SORT1: variants seen among roughly 807,000 people sequenced by gnomAD.
SORT1 encodes the protein sortilin 1, also known as sortilin.
SORT1 carries 39 observed loss-of-function variants against 101.7 expected under a neutral mutation model. The ratio of observed to expected loss-of-function variants is 0.38; its 90% CI spans 0.30 to 0.50. The LOEUF (loss-of-function observed/expected upper bound fraction) is 0.50, where lower values mean the gene tolerates loss of function less well. SORT1 is among the 20% of genes least tolerant of loss of function. The pLI, the probability that SORT1 is intolerant of heterozygous loss-of-function variation, is 0.90. For missense variants in SORT1, 878 were observed against 1,040.4 expected (o/e 0.84, Z 2.15); for synonymous variants, 396 against 393.7 (o/e 1.01, Z -0.07).
intron 3 of SORT1, chr1:109,366,642 C>CA (rs1007492493): frequency 1.3e-5 from 2 of 152,322 alleles, no homozygotes; most frequent in African/African-American, 4.8e-5. Flanking sequence ...CATGGTGGCT[C>CA]ACACCTGTAA....
intron 3 of SORT1, among the ~76,000 whole-genome samples, chr1:109,365,560 G>A (rs907066161): frequency 3.3e-5 from 5 of 152,046 alleles, no homozygotes; most frequent in Non-Finnish European, 5.9e-5. Context: ...CTACTATAGC[G>A]CTTTCTAGCA....
In SORT1 at chr1:109,363,601, C is replaced by T. The variant is rs1374392404; in HGVS notation, c.440+3807G>A. On this transcript the variant is annotated intron_variant, in intron 3 of 19. Transcript: ENST00000256637. The stretch of plus-strand genomic sequence containing the variant: ...TACTCCCTCTAATTCTGTATATCAA[C>T]AGAGACAACTTCCTTCTATTCTTGT... 3.9e-5 allele frequency among the ~76,000 whole-genome samples: 6 copies of T among 152,174 alleles called. No homozygotes were observed. In the East Asian group the frequency reaches 1.2e-3, roughly 29 times the overall value.
intron 2 of SORT1, 124 bp downstream of exon 2, chr1:109,369,404 ATG>A: frequency 1.5e-6 from 1 of 676,772 alleles, no homozygotes; most frequent in African/African-American, 1.8e-5. Flanking sequence ...TCTTGCAAAC[ATG>A]TGTTTTCTGT....
Position 109,313,837 on chromosome 1 carries a change from TCAGAGC to T in SORT1, c.*200_*205del, listed in dbSNP as rs1254497180. ...AGAATTTAAAATGTCTCCCTTTTTCTCAGAGCCAATTGTAAAAAAGTGCTCAGGGTT... is the reference window on the plus strand; with the variant it reads ...AGAATTTAAAATGTCTCCCTTTTTCTCAATTGTAAAAAAGTGCTCAGGGTT... On this transcript the variant is annotated 3_prime_UTR_variant, in exon 20 of 20. Coordinates refer to ENST00000256637, the MANE Select transcript of SORT1 (RefSeq NM_002959.7). 16 of 558,374 alleles carry T rather than the reference TCAGAGC, an allele frequency of 2.9e-5. No homozygotes were observed. In the African/African-American group the frequency reaches 3.0e-4, roughly 11 times the overall value. 34.6% of individuals were successfully genotyped at this position (558,374 alleles called of 1,614,324 possible). A position where few individuals can be genotyped will look rare whatever the true frequency, so the allele number is the denominator to read the frequency against.
chr1:109,326,136 T>C (rs1648001542), intron 13 of SORT1, among the ~76,000 whole-genome samples: 1 of 149,782 alleles, frequency 6.7e-6, no homozygotes, highest in Non-Finnish European at 1.5e-5. Context: ...CACTGTGGCC[T>C]TGACCTCCTC....
At chr1:109,357,750 A>G (rs1650428793) in intron 3 of SORT1, among the ~76,000 whole-genome samples, 1 of 152,012 alleles carries the variant, frequency 6.6e-6, no homozygotes, top group African/African-American at 2.4e-5. Flanking sequence ...TGTCTGAATG[A>G]CTCTATCCTT....
chr1:109,359,610 C>T (rs1326365167), intron 3 of SORT1, among the ~76,000 whole-genome samples: 1 of 152,108 alleles, frequency 6.6e-6, no homozygotes, highest in Non-Finnish European at 1.5e-5. Flanking sequence ...AGCGGTTCTC[C>T]TGCCTCAGCC....
Position 109,369,527 on chromosome 1 carries a change from T to C in SORT1, c.366+3A>G. 1 of 1,586,406 alleles carries C rather than the reference T, an allele frequency of 6.3e-7. No individual in the cohort carries two copies. Among genetic ancestry groups the C allele is most frequent in the Non-Finnish European group, 8.7e-7 (1 of 1,154,772 alleles). On this transcript the variant is annotated splice_donor_region_variant and intron_variant, in intron 2 of 19. Coordinates refer to ENST00000256637, the MANE Select transcript of SORT1 (RefSeq NM_002959.7). Reference sequence around the variant, plus strand: ...GAAATAACAGACTCAAAATATGACTTACCCCAGTGCTATCTCCAACCCAGG... The same window carrying C: ...GAAATAACAGACTCAAAATATGACTCACCCCAGTGCTATCTCCAACCCAGG...
chr1:109,392,639 A>G, intron 1 of SORT1: 1 of 985,166 alleles, frequency 1.0e-6, no homozygotes, highest in Non-Finnish European at 1.2e-6. Flanking sequence ...ATACCTGGCT[A>G]GCTTTCTACT....
At chr1:109,347,636 C>G (rs11802245) in intron 6 of SORT1, 104 bp from the exon 7 acceptor site, 5 of 755,894 alleles carry the variant, frequency 6.6e-6, no homozygotes, top group East Asian at 5.4e-5. Context: ...GCTTCATTCA[C>G]AGGCACTGAC....
At position 109,311,304 on chromosome 1, in the gene SORT1, TCTG is replaced by T. The variant is rs1263694850; in HGVS notation, c.*2736_*2738del. ...GCTGAAGCCTCCAGAAATGATCTCT[TCTG>T]CTACATCAAGCCTGGGAGTTTACAC... On this transcript the variant is annotated 3_prime_UTR_variant, in exon 20 of 20. Coordinates refer to ENST00000256637, the MANE Select transcript of SORT1 (RefSeq NM_002959.7). 2 of 152,278 alleles carry T rather than the reference TCTG, an allele frequency of 1.3e-5. No individual in the cohort carries two copies. Among genetic ancestry groups the T allele is most frequent in the Non-Finnish European group, 2.9e-5 (2 of 68,048 alleles). The allele number at this position is 152,278 out of a possible 1,614,324, so 9.4% of individuals were successfully genotyped here.
chr1:109,383,103 G>A (rs2101649337), intron 1 of SORT1, among the ~76,000 whole-genome samples: 1 of 152,274 alleles, frequency 6.6e-6, no homozygotes, highest in South Asian at 2.1e-4. Flanking sequence ...ATCCAGTCAT[G>A]AGAAACTTAC....
At chr1:109,397,543 G>A (rs1653267287) in intron 1 of SORT1, 44 bp downstream of exon 1, 1 of 1,107,032 alleles carries the variant, frequency 9.0e-7, no homozygotes, top group African/African-American at 1.7e-5. Context: ...GCACGCGGGC[G>A]GCACCTCGCA....
At chr1:109,368,043 C>T (rs1009154405) in intron 2 of SORT1, among the ~76,000 whole-genome samples, 3 of 152,122 alleles carry the variant, frequency 2.0e-5, no homozygotes, top group East Asian at 1.9e-4. Flanking sequence ...CCTGTAATCA[C>T]AGCACTTTGG....
At chr1:109,349,109 G>A (rs1649801498) in intron 6 of SORT1, among the ~76,000 whole-genome samples, 1 of 152,206 alleles carries the variant, frequency 6.6e-6, no homozygotes, top group South Asian at 2.1e-4. Flanking sequence ...ACTTTTGGGA[G>A]GCTGAGGTGG....
chr1:109,327,351 A>G (rs1570901016), intron 12 of SORT1, 148 bp downstream of exon 12: 5 of 706,248 alleles, frequency 7.1e-6, no homozygotes, highest in East Asian at 5.6e-5. Context: ...TGAAAAACCC[A>G]AAGTGTTGTT....
intron 19 of SORT1, 40 bp downstream of exon 19, chr1:109,314,219 TTG>T (rs1491284156): frequency 2.2e-4 from 246 of 1,100,752 alleles, no homozygotes; most frequent in Non-Finnish European, 3.0e-4. Flanking sequence ...CTTGTATTTT[TTG>T]GGGGGGGGGG....
At position 109,397,836 on chromosome 1, in the gene SORT1, G is replaced by A. The variant is rs1289264464; in HGVS notation, c.57C>T (p.Gly19=). Residue 19 remains glycine, a synonymous_variant, in exon 1 of 20, where the codon GGC becomes GGT. Transcript: ENST00000256637. ...GCAGCAGCTGCAGGAGGAGGAGGAGGCCGAGGCCATGGGGCCAGCGCGAGA... is the reference window on the plus strand; with the variant it reads ...GCAGCAGCTGCAGGAGGAGGAGGAGACCGAGGCCATGGGGCCAGCGCGAGA... ...DGLSRWPHGL[G]LLLLLQLLPP... 4 of 1,301,392 alleles carry A rather than the reference G, an allele frequency of 3.1e-6. No homozygotes were observed. Among genetic ancestry groups the A allele is most frequent in the Non-Finnish European group, 3.0e-6 (3 of 1,014,262 alleles). 80.6% of individuals were successfully genotyped at this position (1,301,392 alleles called of 1,614,324 possible). A position where few individuals can be genotyped will look rare whatever the true frequency, so the allele number is the denominator to read the frequency against.
chr1:109,392,122 C>T (rs1389964117), intron 1 of SORT1, among the ~76,000 whole-genome samples: 1 of 152,136 alleles, frequency 6.6e-6, no homozygotes, highest in Non-Finnish European at 1.5e-5. Flanking sequence ...AGCCTCAAAA[C>T]ATAGTTCACT....
Sources: allele counts gnomAD v4.1 joint callset (sites outside exome capture counted in the v4.1 genomes callset), GRCh38; gene constraint gnomAD v4.1.1; transcripts MANE v1.5; gene names NCBI Gene and HGNC (gene_info 2026-07-23, HGNC 2026-07-21).